CORO2B: variants seen among roughly 807,000 people sequenced by gnomAD.
CORO2B encodes the protein coronin-2B.
CORO2B carries 26 observed loss-of-function variants against 58.8 expected under a neutral mutation model. The observed-to-expected ratio is 0.44, with a 90% CI of 0.32 to 0.61. The LOEUF (loss-of-function observed/expected upper bound fraction) is 0.61, where lower values mean the gene tolerates loss of function less well. CORO2B is among the 20% of genes least tolerant of loss of function. The pLI is 0.04. For synonymous variants in CORO2B, 242 were observed against 253.8 expected (o/e 0.95, Z 0.44); for missense variants, 460 against 645.1 (o/e 0.71, Z 3.11).
chr15:68,644,214 C>A (rs1381090741), intron 1 of CORO2B, among the ~76,000 whole-genome samples: 1 of 152,216 alleles, frequency 6.6e-6, no homozygotes, highest in Non-Finnish European at 1.5e-5. Context: ...GACAGCAACG[C>A]CTCATGTAGT....
At position 68,695,264 on chromosome 15, in the gene CORO2B, G is replaced by C; in HGVS notation, c.333+8G>C. On this transcript the variant is annotated splice_region_variant and intron_variant, in intron 3 of 11. Transcript: ENST00000261861. Reference sequence around the variant, plus strand: ...TGCTCGGAGGACACGTCGGTGAGCAGAGGGGTGCTCCCGGAGGAGGGTGGG... The same window carrying C: ...TGCTCGGAGGACACGTCGGTGAGCACAGGGGTGCTCCCGGAGGAGGGTGGG... The C allele has an allele frequency of 6.2e-7, 1 of 1,606,712 alleles. No individual in the cohort carries two copies. The highest frequency in any genetic ancestry group is 1.3e-5 in the African/African-American group (1 of 74,936).
rs974019907 is a variant in CORO2B at position 68,719,402 on chromosome 15, G to T, written c.1172-11G>T. 1.9e-6 allele frequency: 3 copies of T among 1,612,852 alleles called. No homozygotes were observed. In the African/African-American group the frequency reaches 4.0e-5, roughly 22 times the overall value. ...GATCGTCAGTGAGAGCGTTTCCCTTGCCTTCTTTAGATCCCGTGCTGATGT... is the reference window on the plus strand; with the variant it reads ...GATCGTCAGTGAGAGCGTTTCCCTTTCCTTCTTTAGATCCCGTGCTGATGT... On this transcript the variant is annotated splice_polypyrimidine_tract_variant and intron_variant, in intron 10 of 11. Transcript: ENST00000261861.
At chr15:68,647,387 A>G (rs996857642) in intron 2 of CORO2B, among the ~76,000 whole-genome samples, 2 of 152,186 alleles carry the variant, frequency 1.3e-5, no homozygotes, top group Non-Finnish European at 2.9e-5. Flanking sequence ...GTTCCAGAAA[A>G]ATTAACAAGA....
chr15:68,597,418 A>G (rs1190722597), intron 1 of CORO2B, among the ~76,000 whole-genome samples: 2 of 152,098 alleles, frequency 1.3e-5, no homozygotes, highest in African/African-American at 2.4e-5. Flanking sequence ...GCACAGGGAG[A>G]TGGCTTCTAC....
chr15:68,554,357 G>A, the CORO2B span, among the ~76,000 whole-genome samples: 1 of 152,170 alleles, frequency 6.6e-6, no homozygotes, highest in South Asian at 2.1e-4. Flanking sequence ...CTCTGCTGAG[G>A]GCCCAAGCAA....
At chr15:68,651,198 G>T (rs922413631) in intron 2 of CORO2B, among the ~76,000 whole-genome samples, 1 of 152,182 alleles carries the variant, frequency 6.6e-6, no homozygotes, top group Non-Finnish European at 1.5e-5. Context: ...CTCCAAAGCG[G>T]GATGACTTAG....
chr15:68,565,384 CAT>C, the CORO2B span, among the ~76,000 whole-genome samples: 21 of 149,712 alleles, frequency 1.4e-4, no homozygotes, highest in Admixed American at 2.7e-4. Context: ...TATTCAAGTG[CAT>C]ATATATATAT....
the CORO2B span, among the ~76,000 whole-genome samples, chr15:68,523,557 G>C: frequency 6.6e-6 from 1 of 152,152 alleles, no homozygotes; most frequent in Non-Finnish European, 1.5e-5. Flanking sequence ...CTTTTGTTTA[G>C]TTTCTTAGCT....
At chr15:68,581,911 G>C (rs982670935) in intron 1 of CORO2B, among the ~76,000 whole-genome samples, 1 of 152,146 alleles carries the variant, frequency 6.6e-6, no homozygotes, top group African/African-American at 2.4e-5. Context: ...CCCCTTGGAC[G>C]AATGCCTTAG....
chr15:68,558,935 A>G, the CORO2B span, among the ~76,000 whole-genome samples: 5 of 152,188 alleles, frequency 3.3e-5, no homozygotes, highest in South Asian at 1.0e-3. Context: ...ATAAAATGCG[A>G]TAGTGGGTGA....
rs1892896603 is a variant in CORO2B at position 68,710,793 on chromosome 15, A to G, written c.395A>G (p.Glu132Gly). The change falls in exon 4 of 12, where the codon GAG (glutamate) becomes GGG (glycine). Residue 132 changes from glutamate to glycine, a missense_variant. Around this residue, in one of 2 missense-constraint regions of CORO2B, gnomAD observed 352 missense variants for 543.0 expected, o/e 0.65. Coordinates refer to ENST00000261861, the MANE Select transcript of CORO2B (RefSeq NM_006091.5). This position sits in a 1 kb window ranked among gnomAD's most constrained non-coding sequence, Gnocchi z 4.1. Reference sequence around the variant, plus strand: ...CGGAACATGACGGAGGCGCTCCTGGAGCTGCACGGGCACAGCCGGCGTGTG... The same window carrying G: ...CGGAACATGACGGAGGCGCTCCTGGGGCTGCACGGGCACAGCCGGCGTGTG... ...LKRNMTEALL[E>G]LHGHSRRVGL... 6.2e-7 allele frequency: 1 copy of G among 1,612,558 alleles called. No individual in the cohort carries two copies. The highest frequency in any genetic ancestry group is 8.5e-7 in the Non-Finnish European group (1 of 1,179,418).
chr15:68,673,258 G>A (rs376611595), intron 2 of CORO2B, among the ~76,000 whole-genome samples: 8 of 152,210 alleles, frequency 5.3e-5, no homozygotes, highest in South Asian at 2.1e-4. Flanking sequence ...AGAGGAGGTC[G>A]GGCACAATGG....
intron 1 of CORO2B, among the ~76,000 whole-genome samples, chr15:68,586,935 T>C (rs1899575039): frequency 6.6e-6 from 1 of 152,002 alleles, no homozygotes; most frequent in Non-Finnish European, 1.5e-5. Context: ...TGGCAGGAAA[T>C]TTTCCACCTT....
intron 1 of CORO2B, among the ~76,000 whole-genome samples, chr15:68,619,011 TA>T (rs1008319402): frequency 1.3e-5 from 2 of 152,180 alleles, no homozygotes; most frequent in African/African-American, 4.8e-5. Flanking sequence ...GAGGCAAGGA[TA>T]CTTGTCAGAA....
intron 3 of CORO2B, 75 bp downstream of exon 3, chr15:68,695,331 C>A: frequency 1.9e-6 from 2 of 1,029,798 alleles, no homozygotes; most frequent in Non-Finnish European, 3.1e-6. Flanking sequence ...TCTCTTCCTA[C>A]CCTCCCCTCC....
chr15:68,686,332 G>A (rs980814990), intron 2 of CORO2B, among the ~76,000 whole-genome samples: 3 of 151,706 alleles, frequency 2.0e-5, no homozygotes, highest in Admixed American at 6.6e-5. Context: ...CACCACGCCC[G>A]GCTTCATACA....
At chr15:68,701,503 T>TTTTTTTTTG (rs1567013965) in intron 3 of CORO2B, among the ~76,000 whole-genome samples, 1 of 116,726 alleles carries the variant, frequency 8.6e-6, no homozygotes, top group African/African-American at 3.5e-5. Context: ...TTTTTTTTTT[T>TTTTTTTTTG]GAGACGGAGT....
In CORO2B at chr15:68,719,506, A is replaced by G. The variant is rs769029859; in HGVS notation, c.1265A>G (p.Asn422Ser). 1 of 1,614,232 alleles carries G rather than the reference A, an allele frequency of 6.2e-7. No homozygotes were observed. The highest frequency in any genetic ancestry group is 2.2e-5 in the East Asian group (1 of 44,888). ...AAAGAAAAGAAGAGTGTTGTGGTCA[A>G]CGGAATAGATTTATTAGAAAATGTC... Reference protein sequence around the residue: ...PIKEKKSVVVNGIDLLENVPP... With the variant: ...PIKEKKSVVVSGIDLLENVPP... Residue 422 changes from asparagine (N) to serine (S), a missense_variant, in exon 11 of 12, where the codon AAC becomes AGC. By Grantham distance (46) the Asn-to-Ser change is conservative. Transcript: ENST00000261861.
chr15:68,578,952 C>T (rs1300466202), upstream of CORO2B: 8 of 749,490 alleles, frequency 1.1e-5, no homozygotes, highest in East Asian at 1.3e-4. The surrounding 1 kb of genome is among the most constrained non-coding windows in gnomAD (Gnocchi z 4.2). Context: ...CCCTCTTCCT[C>T]CCCCCGCCCC....
Sources: allele counts gnomAD v4.1 joint callset (sites outside exome capture counted in the v4.1 genomes callset), GRCh38; gene constraint gnomAD v4.1.1; regional missense constraint gnomAD v4.1.1; non-coding constraint Gnocchi (gnomAD v3.1); transcripts MANE v1.5; gene names NCBI Gene and HGNC (gene_info 2026-07-23, HGNC 2026-07-21).